Variants in ASTN2 observed in about 807,000 individuals in gnomAD.
ASTN2 encodes astrotactin-2.
In ASTN2, 54 loss-of-function variants were observed where a neutral mutation model predicts 139.8. That is an observed-to-expected ratio of 0.39 (90% CI 0.31 to 0.48). ASTN2 has a LOEUF of 0.48. Among genes scored for constraint, ASTN2 ranks in the 20% least tolerant of loss-of-function variants. ASTN2 has a pLI of 0.95. For synonymous variants in ASTN2, 756 were observed against 719.5 expected (o/e 1.05, Z -0.81); for missense variants, 1,565 against 1,725.1 (o/e 0.91, Z 1.64).
intron 7 of ASTN2, among the ~76,000 whole-genome samples, chr9:117,002,496 A>C (rs540555862): frequency 6.6e-6 from 1 of 152,282 alleles, no homozygotes; most frequent in Non-Finnish European, 1.5e-5. Flanking sequence ...TTGGAATAAG[A>C]GAGTAAGACC....
intron 11 of ASTN2, 141 bp downstream of exon 11, chr9:116,863,442 G>T: frequency 2.9e-6 from 3 of 1,027,572 alleles, no homozygotes; most frequent in Non-Finnish European, 2.7e-6. Context: ...AAGGTAGGCT[G>T]GCATACTGAA....
At chr9:116,667,975 T>C (rs1404255599) in intron 16 of ASTN2, among the ~76,000 whole-genome samples, 1 of 152,118 alleles carries the variant, frequency 6.6e-6, no homozygotes, top group African/African-American at 2.4e-5. Flanking sequence ...GAACATTCTA[T>C]GGGTTTGTAC....
At chr9:116,947,907 G>T (rs1050681843) in intron 10 of ASTN2, among the ~76,000 whole-genome samples, 7 of 152,208 alleles carry the variant, frequency 4.6e-5, no homozygotes, top group Non-Finnish European at 8.8e-5. Context: ...TCAGAACCAT[G>T]CGTTGTTTTA....
Position 117,159,355 on chromosome 9 carries a change from A to G in ASTN2, c.1016-17877T>C, listed in dbSNP as rs184602239. ...GCATAGACTATCCAACTAGTGCTGC[A>G]TGCTTATTCTAATTTCTCAAGCGAA... is the stretch of plus-strand genomic sequence containing the variant. On this transcript the variant is annotated intron_variant, in intron 3 of 22. Transcript: ENST00000313400. 7.2e-4 allele frequency among the ~76,000 whole-genome samples: 110 copies of G among 152,128 alleles called. 1 individual carries two copies. Among genetic ancestry groups the G allele is most frequent in the Non-Finnish European group, 1.4e-3 (93 of 67,958 alleles).
intron 1 of ASTN2, among the ~76,000 whole-genome samples, chr9:117,374,633 A>G (rs1480716899): frequency 6.6e-6 from 1 of 152,202 alleles, no homozygotes; most frequent in Non-Finnish European, 1.5e-5. Context: ...CAAGTCTGGT[A>G]GAGCTCAAAG....
chr9:116,832,973 T>G (rs1337741800), intron 11 of ASTN2, among the ~76,000 whole-genome samples: 1 of 151,508 alleles, frequency 6.6e-6, no homozygotes, highest in Non-Finnish European at 1.5e-5. Context: ...TTTTGGGAAT[T>G]GACGTTTATT....
At chr9:116,602,908 T>G (rs1467957484) in intron 19 of ASTN2, among the ~76,000 whole-genome samples, 1 of 152,146 alleles carries the variant, frequency 6.6e-6, no homozygotes, top group African/African-American at 2.4e-5. Context: ...CCAGCCTGGG[T>G]GACAGAGCGA....
intron 19 of ASTN2, among the ~76,000 whole-genome samples, chr9:116,490,271 G>GAAAAAAAAAAAAAAAAAAAA (rs1564314339): frequency 4.3e-4 from 1 of 2,316 alleles, no homozygotes; most frequent in Non-Finnish European, 9.0e-4. Context: ...GTGATAAAAA[G>GAAAAAAAAAAAAAAAAAAAA]TAAAAAAAAA....
chr9:117,106,940 T>C (rs903978733), intron 4 of ASTN2, among the ~76,000 whole-genome samples: 2 of 152,216 alleles, frequency 1.3e-5, no homozygotes, highest in African/African-American at 2.4e-5. Flanking sequence ...TCTAGATTTA[T>C]ATGTACAAAA....
chr9:116,635,058 T>A (rs1054413317), intron 17 of ASTN2, among the ~76,000 whole-genome samples: 5 of 152,250 alleles, frequency 3.3e-5, no homozygotes, highest in Non-Finnish European at 5.9e-5. Context: ...TGCATAGTCT[T>A]ATTTAACAGT....
intron 20 of ASTN2, among the ~76,000 whole-genome samples, chr9:116,459,918 C>T (rs1248899648): frequency 6.6e-6 from 1 of 151,992 alleles, no homozygotes; most frequent in Non-Finnish European, 1.5e-5. Context: ...ACCAAGAGAA[C>T]TGAAAACGTA....
chr9:116,753,876 G>T (rs1039490179), intron 13 of ASTN2, among the ~76,000 whole-genome samples: 19 of 151,796 alleles, frequency 1.3e-4, no homozygotes, highest in African/African-American at 2.4e-5. Context: ...TGCCATAGGG[G>T]TTTGCTGCAC....
chr9:117,227,806 T>C (rs1832763865), intron 2 of ASTN2, among the ~76,000 whole-genome samples: 1 of 152,182 alleles, frequency 6.6e-6, no homozygotes, highest in African/African-American at 2.4e-5. Flanking sequence ...TAGTCATTTA[T>C]TTATTTATAA....
intron 10 of ASTN2, among the ~76,000 whole-genome samples, chr9:116,929,934 C>T (rs763727758): frequency 2.0e-5 from 3 of 152,178 alleles, no homozygotes; most frequent in Admixed American, 6.5e-5. Context: ...GAGTTCCACA[C>T]GACACCTGCT....
chr9:117,356,310 C>T (rs1829538415), intron 1 of ASTN2, among the ~76,000 whole-genome samples: 1 of 152,192 alleles, frequency 6.6e-6, no homozygotes, highest in Non-Finnish European at 1.5e-5. Context: ...CATCTCGATT[C>T]TTCTTGGACA....
intron 10 of ASTN2, among the ~76,000 whole-genome samples, chr9:116,949,494 G>T (rs1835497327): frequency 6.6e-6 from 1 of 152,126 alleles, no homozygotes; most frequent in Non-Finnish European, 1.5e-5. Flanking sequence ...AAGAGGATGG[G>T]CTGAGACTGT....
intron 10 of ASTN2, among the ~76,000 whole-genome samples, chr9:116,919,722 T>C (rs1343771620): frequency 6.7e-6 from 1 of 148,968 alleles, no homozygotes; most frequent in Admixed American, 6.8e-5. Context: ...GGCAGGTGGA[T>C]TGCTTGATCC....
chr9:116,784,091 C>A (rs1274729222), intron 13 of ASTN2, among the ~76,000 whole-genome samples: 1 of 152,130 alleles, frequency 6.6e-6, no homozygotes. Flanking sequence ...ACTATTTTCA[C>A]AGATAAGAAA....
At chr9:116,887,129 G>A (rs1332292288) in intron 10 of ASTN2, among the ~76,000 whole-genome samples, 2 of 152,112 alleles carry the variant, frequency 1.3e-5, no homozygotes, top group African/African-American at 2.4e-5. Context: ...GGGACATTAT[G>A]CCTATTTCAT....
Sources: allele counts gnomAD v4.1 joint callset (sites outside exome capture counted in the v4.1 genomes callset), GRCh38; gene constraint gnomAD v4.1.1; transcripts MANE v1.5; gene names NCBI Gene and HGNC (gene_info 2026-07-23, HGNC 2026-07-21).